The following PPP6R3 variants were observed in gnomAD, a reference collection of about 807,000 sequenced individuals.
PPP6R3 encodes protein phosphatase 6 regulatory subunit 3.
In PPP6R3, 38 loss-of-function variants were observed where a neutral mutation model predicts 110.7. The ratio of observed to expected loss-of-function variants is 0.34; its 90% confidence interval spans 0.26 to 0.45. The LOEUF (loss-of-function observed/expected upper bound fraction) is 0.45, where lower values mean the gene tolerates loss of function less well. Ranked by LOEUF, PPP6R3 falls within the 20% of genes least tolerant of loss-of-function variation. PPP6R3 has a pLI of 1.00. For missense variants in PPP6R3, 870 were observed against 1,062.4 expected, an observed-to-expected ratio of 0.82 and a Z score of 2.52; for synonymous variants, 369 against 373.5, an observed-to-expected ratio of 0.99 and a Z score of 0.14.
rs539086750 is a variant in PPP6R3, at chr11:68,475,707, G to A, written c.-158+14880G>A. On this transcript the variant is annotated intron_variant, in intron 1 of 23. Coordinates refer to ENST00000393800, the MANE Select transcript of PPP6R3 (RefSeq NM_001164161.2). ...GCCCCCCACCTCCCTCCCGGACGGG[G>A]TGGCTGCCGGGCGGAGACGCTCCTC... is the stretch of plus-strand genomic sequence containing the variant. Among the ~76,000 whole-genome samples the A allele has an allele frequency of 2.0e-5, 3 of 151,824 alleles. No homozygotes were observed. The South Asian group carries it at 6.2e-4, about 31-fold the overall frequency.
rs759460492 is a variant in PPP6R3 at position 68,556,784 on chromosome 11, A to G, written c.732-1782A>G. ...ATAAGCTTCAGTCCTTTGGTTTATT[A>G]TTTCTTCTGGGTTTGGTGATACTTG... On this transcript the variant is annotated intron_variant, in intron 7 of 23. Coordinates refer to ENST00000393800, the MANE Select transcript of PPP6R3 (RefSeq NM_001164161.2). Among the ~76,000 whole-genome samples the G allele has an allele frequency of 5.3e-5, 8 of 152,300 alleles. No individual in the cohort carries two copies. In the South Asian group the frequency reaches 1.2e-3, roughly 24 times the overall value.
At chr11:68,462,959 A>G (rs1249735968) in intron 1 of PPP6R3, among the ~76,000 whole-genome samples, 1 of 152,228 alleles carries the variant, frequency 6.6e-6, no homozygotes, top group Non-Finnish European at 1.5e-5. Flanking sequence ...TAGCAAAGCA[A>G]AGTCAACAAG....
intron 14 of PPP6R3, 151 bp from the exon 15 acceptor site, chr11:68,582,892 G>T: frequency 1.6e-6 from 1 of 626,108 alleles, no homozygotes; most frequent in Non-Finnish European, 2.7e-6. Context: ...TGACACATTG[G>T]GCGGGTTTGG....
At position 68,613,322 on chromosome 11, in the gene PPP6R3, G is replaced by T. The variant is rs1051759147; in HGVS notation, c.*205G>T. On this transcript the variant is annotated 3_prime_UTR_variant, in exon 24 of 24. Transcript: ENST00000393800. ...AATATTGCACATTGACAAATACCAA[G>T]AATTTTTGCGTATGTTTATATTGTA... is the stretch of plus-strand genomic sequence containing the variant. 2.2e-5 allele frequency: 30 copies of T among 1,337,314 alleles called. No homozygotes were observed. The highest frequency in any genetic ancestry group is 3.0e-5 in the African/African-American group (2 of 66,720). The allele number at this position is 1,337,314 out of a possible 1,614,324, so 82.8% of individuals were successfully genotyped here.
intron 3 of PPP6R3, among the ~76,000 whole-genome samples, chr11:68,542,389 G>GTTTTTTGTTTT (rs2099321782): frequency 2.5e-5 from 1 of 40,188 alleles, no homozygotes; most frequent in East Asian, 1.0e-3. Flanking sequence ...AGAAGCTGCT[G>GTTTTTTGTTTT]TTTTTTTTTT....
chr11:68,576,065 T>G (rs536212032), intron 14 of PPP6R3, 22 bp downstream of exon 14: 2 of 1,532,112 alleles, frequency 1.3e-6, no homozygotes, highest in South Asian at 2.3e-5. Context: ...AAGGTTACAT[T>G]TTTATTCTTT....
In PPP6R3 at chr11:68,467,028, G is replaced by A. The variant is rs138851212; in HGVS notation, c.-158+6201G>A. On this transcript the variant is annotated intron_variant, in intron 1 of 23. Transcript: ENST00000393800. ...AGTGCTGGGATTACAGGCGTGAGCC[G>A]CTGCACCCGGCCCTAGCTAGGACAT... Among the ~76,000 whole-genome samples, 5 of 152,268 alleles carry A rather than the reference G, an allele frequency of 3.3e-5. No individual in the cohort carries two copies. In the East Asian group the frequency reaches 7.7e-4, roughly 24 times the overall value.
At chr11:68,517,836 G>C (rs1235352125) in intron 1 of PPP6R3, among the ~76,000 whole-genome samples, 1 of 152,132 alleles carries the variant, frequency 6.6e-6, no homozygotes, top group Non-Finnish European at 1.5e-5. Flanking sequence ...TACTCAGGAG[G>C]CTGAGGCAGG....
intron 9 of PPP6R3, 136 bp downstream of exon 9, chr11:68,564,568 C>A: frequency 2.1e-6 from 2 of 950,706 alleles, no homozygotes; most frequent in South Asian, 2.1e-5. Flanking sequence ...ATAACACTGC[C>A]AGTGATTTTT....
At chr11:68,525,633 C>G (rs2099193033) in intron 2 of PPP6R3, among the ~76,000 whole-genome samples, 1 of 152,152 alleles carries the variant, frequency 6.6e-6, no homozygotes. Flanking sequence ...ACGATAATAG[C>G]TAAAACTTTA....
chr11:68,524,161 GCC>G, intron 2 of PPP6R3, among the ~76,000 whole-genome samples: 1 of 152,230 alleles, frequency 6.6e-6, no homozygotes, highest in East Asian at 1.9e-4. Flanking sequence ...CAATTGAGGG[GCC>G]TCTCATGAAG....
At chr11:68,515,726 C>T (rs1400883353) in intron 1 of PPP6R3, among the ~76,000 whole-genome samples, 1 of 152,178 alleles carries the variant, frequency 6.6e-6, no homozygotes, top group Non-Finnish European at 1.5e-5. Context: ...AATTCAGGGT[C>T]CCACCCTTGT....
chr11:68,613,898 ATTTTT>A lies in PPP6R3; in HGVS notation c.*795_*799del, dbSNP rs11309470. ...GAGTGTATATGGCTTGTGTTTTGGG[ATTTTT>A]TTTTTTTTTTTTTGGCTTTTGTTTT... is the stretch of plus-strand genomic sequence containing the variant. On this transcript the variant is annotated 3_prime_UTR_variant, in exon 24 of 24. Transcript: ENST00000393800. The A allele has an allele frequency of 2.9e-5, 27 of 918,440 alleles. No homozygotes were observed. Among genetic ancestry groups the A allele is most frequent in the African/African-American group, 4.1e-5 (2 of 49,220 alleles). The allele number at this position is 918,440 out of a possible 1,614,324, so 56.9% of individuals were successfully genotyped here.
At position 68,569,860 on chromosome 11, in the gene PPP6R3, A is replaced by T; in HGVS notation, c.1241A>T (p.Asp414Val). ...AACACAGAAAATGCCACAATTACCGATCAAGACTCCACTGGTGATAATTTG... is the reference window on the plus strand; with the variant it reads ...AACACAGAAAATGCCACAATTACCGTTCAAGACTCCACTGGTGATAATTTG... ...FENTENATIT[D>V]QDSTGDNLLL... Residue 414 changes from aspartate (D) to valine (V), a missense_variant, in exon 11 of 24, where the codon GAT (aspartate) becomes GTT (valine). Coordinates refer to ENST00000393800, the MANE Select transcript of PPP6R3 (RefSeq NM_001164161.2). 1 of 1,612,258 alleles carries T rather than the reference A, an allele frequency of 6.2e-7. No homozygotes were observed. The highest frequency in any genetic ancestry group is 2.2e-5 in the East Asian group (1 of 44,768).
chr11:68,537,117 G>A (rs907537883), intron 2 of PPP6R3, among the ~76,000 whole-genome samples: 1 of 152,194 alleles, frequency 6.6e-6, no homozygotes. Flanking sequence ...GTAAACAGAG[G>A]AGAATCAGTT....
chr11:68,490,529 T>C (rs1380479082), intron 1 of PPP6R3, among the ~76,000 whole-genome samples: 1 of 152,168 alleles, frequency 6.6e-6, no homozygotes, highest in Non-Finnish European at 1.5e-5. Context: ...TCTCCGTCGT[T>C]ATTACTTCAA....
intron 1 of PPP6R3, among the ~76,000 whole-genome samples, chr11:68,480,786 G>A (rs2098902569): frequency 6.6e-6 from 1 of 152,176 alleles, no homozygotes; most frequent in Admixed American, 6.5e-5. Context: ...CAATAGGGGA[G>A]TTTCATTTTG....
At chr11:68,494,808 C>T (rs1050202071) in intron 1 of PPP6R3, among the ~76,000 whole-genome samples, 1 of 152,112 alleles carries the variant, frequency 6.6e-6, no homozygotes, top group Non-Finnish European at 1.5e-5. Context: ...TGGATCTTAA[C>T]GGCCCCCCAG....
At chr11:68,598,118 A>C (rs1259282075) in intron 19 of PPP6R3, among the ~76,000 whole-genome samples, 1 of 152,016 alleles carries the variant, frequency 6.6e-6, no homozygotes. Context: ...AGCAGCCTCC[A>C]TTCTACTCTC....
Sources: allele counts gnomAD v4.1 joint callset (sites outside exome capture counted in the v4.1 genomes callset), GRCh38; gene constraint gnomAD v4.1.1; transcripts MANE v1.5; gene names NCBI Gene and HGNC (gene_info 2026-07-23, HGNC 2026-07-21).